Variants in LGMN observed in about 807,000 individuals in gnomAD.
LGMN encodes the protein legumain, also known as asparaginyl endopeptidase.
In LGMN, 36 loss-of-function variants were observed where a neutral mutation model predicts 56.8. The ratio of observed to expected loss-of-function variants is 0.63; its 90% CI spans 0.49 to 0.84. The LOEUF (loss-of-function observed/expected upper bound fraction) is 0.84, where lower values mean the gene tolerates loss of function less well. Among genes scored for constraint, LGMN ranks in the 40% least tolerant of loss-of-function variants. The probability of loss-of-function intolerance (pLI) is 0.00; values close to 1 mark genes in which losing one functional copy is unlikely to be tolerated. For missense variants in LGMN, 446 were observed against 556.1 expected (o/e 0.80, Z 1.99); for synonymous variants, 199 against 210.1 (o/e 0.95, Z 0.46).
In LGMN at chr14:92,714,337, G is replaced by C; in HGVS notation, c.480+39C>G. The C allele has an allele frequency of 7.3e-7, 1 of 1,362,264 alleles. No individual in the cohort carries two copies. The highest frequency in any genetic ancestry group is 1.0e-6 in the Non-Finnish European group (1 of 953,714). 84.4% of individuals were successfully genotyped at this position (1,362,264 alleles called of 1,614,324 possible). A position where few individuals can be genotyped will look rare whatever the true frequency, so the allele number is the denominator to read the frequency against. The stretch of plus-strand genomic sequence containing the variant: ...TCTCGACACCTAGGCTTGCTTTTCT[G>C]TTCTGCTAGTTTGTCCTTAAAACGT... On this transcript the variant is annotated intron_variant, in intron 6 of 13. Transcript: ENST00000334869. This position sits in a 1 kb window ranked among gnomAD's most constrained non-coding sequence, Gnocchi z 5.1.
At chr14:92,709,326 G>A (rs1339796298) in intron 11 of LGMN, among the ~76,000 whole-genome samples, 2 of 152,114 alleles carry the variant, frequency 1.3e-5, no homozygotes, top group Non-Finnish European at 2.9e-5. Context: ...AAATGAATAT[G>A]ATTAGCTAAT....
At chr14:92,716,524 T>C (rs1890085938) in intron 4 of LGMN, among the ~76,000 whole-genome samples, 1 of 152,128 alleles carries the variant, frequency 6.6e-6, no homozygotes. Context: ...TCCCAGCTAC[T>C]ATGGAGGCTG....
rs1327035250 is a variant in LGMN at position 92,719,293 on chromosome 14, GCCGCCGCCA to G, written c.139-458_139-450del. Reference sequence around the variant, plus strand: ...CGCCGCCGCCACCGCCGCCGCCGCCGCCGCCGCCACCGCCGCCACCGCCGCCGCCGCCAC... The same window carrying G: ...CGCCGCCGCCACCGCCGCCGCCGCCGCCGCCGCCACCGCCGCCGCCGCCAC... On this transcript the variant is annotated intron_variant, in intron 2 of 13. Transcript: ENST00000334869. Among the ~76,000 whole-genome samples the G allele has an allele frequency of 2.8e-3, 112 of 40,084 alleles. 3 individuals carry two copies. The highest frequency in any genetic ancestry group is 3.5e-3 in the African/African-American group (45 of 12,964). The allele number at this position is 40,084 out of a possible 152,430, so 26.3% of individuals were successfully genotyped here.
intron 2 of LGMN, among the ~76,000 whole-genome samples, chr14:92,728,009 AG>A (rs1890828757): frequency 6.6e-6 from 1 of 152,256 alleles, no homozygotes; most frequent in African/African-American, 2.4e-5. Context: ...AGCAACACTG[AG>A]TCTATGTAGC....
rs562122958 is a variant in LGMN at position 92,710,612 on chromosome 14, G to C, written c.820-740C>G. On this transcript the variant is annotated intron_variant, in intron 10 of 13. Coordinates refer to ENST00000334869, the MANE Select transcript of LGMN (RefSeq NM_005606.7). Reference sequence around the variant, plus strand: ...TAATCTAACAACAGTTCTAAAATCAGCAATACCACACACACCAATCTATAT... The same window carrying C: ...TAATCTAACAACAGTTCTAAAATCACCAATACCACACACACCAATCTATAT... Among the ~76,000 whole-genome samples the C allele has an allele frequency of 4.6e-5, 7 of 152,242 alleles. No homozygotes were observed. The South Asian group carries it at 1.5e-3, about 32-fold the overall frequency.
intron 7 of LGMN, among the ~76,000 whole-genome samples, chr14:92,713,252 G>GT (rs1218176279): frequency 6.6e-6 from 1 of 151,408 alleles, no homozygotes; most frequent in Non-Finnish European, 1.5e-5. Context: ...TTGTTTTTTT[G>GT]TTTTTTTAGT....
At chr14:92,737,753 G>C (rs971718875) in intron 1 of LGMN, among the ~76,000 whole-genome samples, 1 of 152,310 alleles carries the variant, frequency 6.6e-6, no homozygotes, top group South Asian at 2.1e-4. Flanking sequence ...ACTAACCCAT[G>C]AGCCAGTTAC....
intron 13 of LGMN, 107 bp from the exon 14 acceptor site, chr14:92,704,468 A>C (rs1595521254): frequency 9.4e-7 from 1 of 1,068,884 alleles, no homozygotes; most frequent in Non-Finnish European, 1.4e-6. Context: ...AGGCCCGCCC[A>C]GCAGCTGTCA....
chr14:92,704,796 G>T, intron 12 of LGMN, 89 bp from the exon 13 acceptor site: 2 of 1,007,510 alleles, frequency 2.0e-6, no homozygotes, highest in Non-Finnish European at 1.6e-6. Flanking sequence ...GAAGCATCTT[G>T]ACCAGTGGCT....
At chr14:92,725,984 C>G (rs1399452043) in intron 2 of LGMN, among the ~76,000 whole-genome samples, 1 of 151,932 alleles carries the variant, frequency 6.6e-6, no homozygotes, top group Non-Finnish European at 1.5e-5. Flanking sequence ...TACCTGTAAT[C>G]CCAGCACTTT....
At chr14:92,721,424 C>T (rs1201457037) in intron 2 of LGMN, among the ~76,000 whole-genome samples, 1 of 152,214 alleles carries the variant, frequency 6.6e-6, no homozygotes, top group African/African-American at 2.4e-5. Flanking sequence ...CGTGATTTAA[C>T]CCAGTGACAG....
At chr14:92,715,930 AG>A in intron 5 of LGMN, 1 of 400,702 alleles carries the variant, frequency 2.5e-6, no homozygotes, top group Non-Finnish European at 4.5e-6. Flanking sequence ...CTGGATCATA[AG>A]GTGAATTCAG....
Position 92,704,330 on chromosome 14 carries a change from C to T in LGMN, c.1291G>A (p.Gly431Ser), listed in dbSNP as rs1224676182. The T allele has an allele frequency of 6.2e-7, 1 of 1,613,572 alleles. No homozygotes were observed. The highest frequency in any genetic ancestry group is 8.5e-7 in the Non-Finnish European group (1 of 1,179,686). ...CAGGAGGCAGCTCTTCAGTAGTGAC[C>T]AAGGCACACGTGGTCCATGGACAAT... ...IKLSMDHVCL[G>S]HY The change falls in exon 14 of 14, where the codon GGT becomes AGT. Residue 431 changes from glycine to serine, a missense_variant. By Grantham distance (56) the Gly-to-Ser change is moderately conservative (BLOSUM62 0). Transcript: ENST00000334869.
chr14:92,723,603 C>T (rs1312055495), intron 2 of LGMN, among the ~76,000 whole-genome samples: 2 of 152,170 alleles, frequency 1.3e-5, no homozygotes, highest in Non-Finnish European at 2.9e-5. Context: ...CTAGGGGAAG[C>T]CAGACACAAA....
intron 1 of LGMN, among the ~76,000 whole-genome samples, chr14:92,745,853 C>T (rs1891792256): frequency 6.6e-6 from 1 of 151,264 alleles, no homozygotes; most frequent in South Asian, 2.1e-4. Flanking sequence ...GATGGCATGT[C>T]CCTCTCTGGC....
At chr14:92,747,098 C>G (rs1266226333) in intron 1 of LGMN, among the ~76,000 whole-genome samples, 2 of 151,676 alleles carry the variant, frequency 1.3e-5, no homozygotes, top group African/African-American at 4.8e-5. Flanking sequence ...CCAGACTCCA[C>G]GACTCCAGTG....
intron 4 of LGMN, 128 bp from the exon 5 acceptor site, chr14:92,716,349 T>A: frequency 1.4e-6 from 1 of 736,664 alleles, no homozygotes. Flanking sequence ...GCAAACACTT[T>A]TGGTCGGGTG....
chr14:92,736,422 C>T (rs1011410388), intron 1 of LGMN, among the ~76,000 whole-genome samples: 6 of 152,000 alleles, frequency 3.9e-5, no homozygotes, highest in African/African-American at 9.7e-5. Context: ...AAGGTGAAAC[C>T]CTGTCTCTAC....
intron 2 of LGMN, among the ~76,000 whole-genome samples, chr14:92,730,343 C>A (rs1199683379): frequency 6.6e-6 from 1 of 152,174 alleles, no homozygotes; most frequent in Non-Finnish European, 1.5e-5. Context: ...ATGAGTTATT[C>A]ATTCATTCCG....
Sources: allele counts gnomAD v4.1 joint callset (sites outside exome capture counted in the v4.1 genomes callset), GRCh38; gene constraint gnomAD v4.1.1; non-coding constraint Gnocchi (gnomAD v3.1); transcripts MANE v1.5; gene names NCBI Gene and HGNC (gene_info 2026-07-23, HGNC 2026-07-21).